ZNF616: variants seen among roughly 807,000 people sequenced by gnomAD.
The protein encoded by ZNF616 is zinc finger protein 616.
Under a neutral mutation model 7.6 loss-of-function variants are expected in ZNF616, and 5 were observed. The observed-to-expected ratio is 0.66, with a 90% CI of 0.34 to 1.38. The LOEUF (loss-of-function observed/expected upper bound fraction) is 1.38, where lower values mean the gene tolerates loss of function less well. Ranked by LOEUF, ZNF616 falls within the 40% of genes most tolerant of loss-of-function variation. The pLI is 0.04. For synonymous variants in ZNF616, 319 were observed against 317.2 expected (o/e 1.01, Z -0.06); for missense variants, 913 against 948.3 (o/e 0.96, Z 0.49).
intron 1 of ZNF616, among the ~76,000 whole-genome samples, chr19:52,135,824 C>T (rs2089002258): frequency 1.3e-5 from 2 of 152,146 alleles, no homozygotes; most frequent in South Asian, 2.1e-4. Context: ...GAAGGGAATG[C>T]CTTTTAAAGT....
chr19:52,137,236 G>C (rs1239582429), intron 1 of ZNF616, among the ~76,000 whole-genome samples: 1 of 151,474 alleles, frequency 6.6e-6, no homozygotes, highest in African/African-American at 2.4e-5. Context: ...GGCTAACACA[G>C]TGAAACCCCG....
intron 1 of ZNF616, among the ~76,000 whole-genome samples, chr19:52,132,409 G>T (rs2088967948): frequency 6.6e-6 from 1 of 152,118 alleles, no homozygotes. Flanking sequence ...TAGGTGAGTA[G>T]GTGGGTGATA....
At chr19:52,128,572 G>A (rs2088929675) in intron 2 of ZNF616, among the ~76,000 whole-genome samples, 1 of 151,786 alleles carries the variant, frequency 6.6e-6, no homozygotes, top group Admixed American at 6.6e-5. Flanking sequence ...GAGAAACTCT[G>A]TCTCTACTAA....
chr19:52,129,946 C>A (rs1438986046), intron 2 of ZNF616, among the ~76,000 whole-genome samples: 2 of 152,036 alleles, frequency 1.3e-5, no homozygotes, highest in African/African-American at 2.4e-5. Context: ...CCATGACTGG[C>A]TAATTTTTGT....
intron 1 of ZNF616, among the ~76,000 whole-genome samples, chr19:52,134,744 C>T (rs2088993082): frequency 6.6e-6 from 1 of 152,072 alleles, no homozygotes; most frequent in Non-Finnish European, 1.5e-5. Context: ...TTTGTTTTTT[C>T]CTTTACACCC....
intron 1 of ZNF616, among the ~76,000 whole-genome samples, chr19:52,132,608 C>T (rs963437268): frequency 1.3e-5 from 2 of 149,566 alleles, no homozygotes; most frequent in Admixed American, 1.4e-4. Context: ...AAGTGTGTAG[C>T]GCCTCCCCCC....
At chr19:52,131,764 A>G (rs2088962140) in intron 1 of ZNF616, among the ~76,000 whole-genome samples, 1 of 152,206 alleles carries the variant, frequency 6.6e-6, no homozygotes, top group Non-Finnish European at 1.5e-5. Context: ...CTCAAAATGT[A>G]AAAACAACAT....
At chr19:52,128,471 G>A (rs113811853) in intron 2 of ZNF616, among the ~76,000 whole-genome samples, 9,860 of 152,090 alleles carry the variant, frequency 0.065, 443 homozygotes, top group African/African-American at 0.13. Context: ...AGCTGGGCAC[G>A]GTGGCTCATG....
At chr19:52,122,727 C>T (rs1011495300) in intron 3 of ZNF616, among the ~76,000 whole-genome samples, 3 of 151,390 alleles carry the variant, frequency 2.0e-5, no homozygotes, top group Admixed American at 6.6e-5. Context: ...CTCCGCCTCC[C>T]GGGTTCATGC....
At chr19:52,121,901 TA>T (rs1006648322) in intron 3 of ZNF616, among the ~76,000 whole-genome samples, 8 of 151,896 alleles carry the variant, frequency 5.3e-5, no homozygotes, top group Non-Finnish European at 8.8e-5. Context: ...TATAATTTTT[TA>T]AAAAAAATTT....
At chr19:52,134,622 T>C (rs984228451) in intron 1 of ZNF616, among the ~76,000 whole-genome samples, 2 of 152,194 alleles carry the variant, frequency 1.3e-5, no homozygotes, top group Non-Finnish European at 2.9e-5. Flanking sequence ...AATTGAATTC[T>C]AAGGCAATCT....
At chr19:52,129,367 G>A (rs559805896) in intron 2 of ZNF616, among the ~76,000 whole-genome samples, 1 of 152,114 alleles carries the variant, frequency 6.6e-6, no homozygotes, top group African/African-American at 2.4e-5. Flanking sequence ...ATCTCTGCTT[G>A]AAATTTTACC....
chr19:52,136,461 T>C (rs1345530722), intron 1 of ZNF616, among the ~76,000 whole-genome samples: 1 of 151,696 alleles, frequency 6.6e-6, no homozygotes, highest in Non-Finnish European at 1.5e-5. Context: ...AAAAAAAACA[T>C]ACAAATGACC....
intron 1 of ZNF616, among the ~76,000 whole-genome samples, chr19:52,133,662 T>C (rs1027314717): frequency 4.6e-5 from 7 of 152,038 alleles, no homozygotes; most frequent in African/African-American, 1.7e-4. Flanking sequence ...TACAGGCATG[T>C]GCCACCACAC....
intron 2 of ZNF616, among the ~76,000 whole-genome samples, chr19:52,126,006 G>C (rs1207506968): frequency 1.3e-5 from 2 of 152,138 alleles, no homozygotes; most frequent in African/African-American, 4.8e-5. Context: ...CAGAGAAAAA[G>C]CATGGGAAGT....
rs1319191969 is a variant in ZNF616, at chr19:52,116,340, C to T, written c.824G>A (p.Gly275Asp). Residue 275 changes from glycine (G) to aspartate (D), a missense_variant, in exon 4 of 4, where the codon GGC (glycine) becomes GAC (aspartate). By Grantham distance (94) the Gly-to-Asp change is moderately conservative. Coordinates refer to ENST00000600228, the MANE Select transcript of ZNF616 (RefSeq NM_178523.5). ...GQKPYICNEC[G>D]KSFSKSSHLA... ...GTGGGAACTTTTACTAAAGGACTTG[C>T]CACATTCATTACATATGTAGGGTTT... 10 of 1,614,104 alleles carry T rather than the reference C, an allele frequency of 6.2e-6. No homozygotes were observed. Among genetic ancestry groups the T allele is most frequent in the Non-Finnish European group, 5.1e-6 (6 of 1,179,990 alleles).
At position 52,121,893 on chromosome 19, in the gene ZNF616, T is replaced by C. The variant is rs998246114; in HGVS notation, c.139+2030A>G. ...AGGAAAAACACTTCTGGATAAAATATAATTTTTTAAAAAAAATTTATTCCT... is the reference window on the plus strand; with the variant it reads ...AGGAAAAACACTTCTGGATAAAATACAATTTTTTAAAAAAAATTTATTCCT... On this transcript the variant is annotated intron_variant, in intron 3 of 3. Coordinates refer to ENST00000600228, the MANE Select transcript of ZNF616 (RefSeq NM_178523.5). Among the ~76,000 whole-genome samples, 5 of 152,070 alleles carry C rather than the reference T, an allele frequency of 3.3e-5. No homozygotes were observed. In the East Asian group the frequency reaches 9.6e-4, roughly 29 times the overall value.
intron 2 of ZNF616, among the ~76,000 whole-genome samples, chr19:52,126,897 A>C (rs1264836480): frequency 6.6e-6 from 1 of 152,226 alleles, no homozygotes; most frequent in Non-Finnish European, 1.5e-5. Flanking sequence ...AATATATCTA[A>C]CATTACTGAA....
chr19:52,136,703 A>G (rs992560308), intron 1 of ZNF616, among the ~76,000 whole-genome samples: 9 of 152,174 alleles, frequency 5.9e-5, no homozygotes, highest in Admixed American at 5.2e-4. Context: ...TCAAAATAGA[A>G]CAACAATGCA....
Sources: allele counts gnomAD v4.1 joint callset (sites outside exome capture counted in the v4.1 genomes callset), GRCh38; gene constraint gnomAD v4.1.1; transcripts MANE v1.5; gene names NCBI Gene and HGNC (gene_info 2026-07-23, HGNC 2026-07-21).